SYNDIG1: variants seen among roughly 807,000 people sequenced by gnomAD.
SYNDIG1 encodes synapse differentiation-inducing gene protein 1.
Under a neutral mutation model 19.4 loss-of-function variants are expected in SYNDIG1, and 9 were observed. The ratio of observed to expected loss-of-function variants is 0.46; its 90% confidence interval spans 0.28 to 0.81. SYNDIG1 has a LOEUF of 0.81. Among genes scored for constraint, SYNDIG1 ranks in the 30% least tolerant of loss-of-function variants. The probability of loss-of-function intolerance (pLI) is 0.12; values close to 1 mark genes in which losing one functional copy is unlikely to be tolerated. For synonymous variants in SYNDIG1, 141 were observed against 145.9 expected, an observed-to-expected ratio of 0.97 and a Z score of 0.24; for missense variants, 311 against 343.3, an observed-to-expected ratio of 0.91 and a Z score of 0.74.
At chr20:24,631,220 A>C (rs964460271) in intron 3 of SYNDIG1, among the ~76,000 whole-genome samples, 5 of 152,238 alleles carry the variant, frequency 3.3e-5, no homozygotes, top group African/African-American at 1.2e-4. Context: ...CAGGCTCAGA[A>C]TGTCCTGGGA....
chr20:24,626,179 A>C (rs1489180277), intron 3 of SYNDIG1, among the ~76,000 whole-genome samples: 4 of 113,976 alleles, frequency 3.5e-5, no homozygotes, highest in African/African-American at 8.6e-5. Context: ...CTGACCCCCC[A>C]CCTCCCTCCC....
At chr20:24,471,766 A>G (rs1353206862) in intron 1 of SYNDIG1, among the ~76,000 whole-genome samples, 1 of 152,140 alleles carries the variant, frequency 6.6e-6, no homozygotes, top group Non-Finnish European at 1.5e-5. Context: ...AGAGTTTTGG[A>G]GGCCACAGAG....
chr20:24,556,214 G>C (rs1464735338), intron 2 of SYNDIG1, among the ~76,000 whole-genome samples: 1 of 152,146 alleles, frequency 6.6e-6, no homozygotes, highest in Non-Finnish European at 1.5e-5. Context: ...CACGTGAGAT[G>C]GGTTTCCTGA....
At chr20:24,604,520 G>A (rs754970349) in intron 3 of SYNDIG1, among the ~76,000 whole-genome samples, 1 of 152,130 alleles carries the variant, frequency 6.6e-6, no homozygotes, top group Non-Finnish European at 1.5e-5. Flanking sequence ...TCCCACCAGC[G>A]CCATGACAGT....
intron 2 of SYNDIG1, among the ~76,000 whole-genome samples, chr20:24,583,257 C>G (rs2058359720): frequency 6.6e-6 from 1 of 152,246 alleles, no homozygotes; most frequent in Non-Finnish European, 1.5e-5. Flanking sequence ...GGGCTCGCAG[C>G]CACGCAAGTG....
At chr20:24,643,513 G>A (rs1387815015) in intron 3 of SYNDIG1, among the ~76,000 whole-genome samples, 1 of 152,128 alleles carries the variant, frequency 6.6e-6, no homozygotes, top group African/African-American at 2.4e-5. Flanking sequence ...CAGCTAGAGT[G>A]CTGTGCTTAT....
intron 3 of SYNDIG1, among the ~76,000 whole-genome samples, chr20:24,622,743 CAT>C (rs1452527761): frequency 6.6e-6 from 1 of 152,096 alleles, no homozygotes; most frequent in Non-Finnish European, 1.5e-5. Context: ...ACTAGTGTAA[CAT>C]ATGAAAATTG....
chr20:24,640,556 T>A (rs2059366540), intron 3 of SYNDIG1, among the ~76,000 whole-genome samples: 1 of 151,230 alleles, frequency 6.6e-6, no homozygotes, highest in South Asian at 2.1e-4. Context: ...AATTAAAGCG[T>A]TAGATTTCAT....
intron 2 of SYNDIG1, among the ~76,000 whole-genome samples, chr20:24,553,039 T>C (rs1219923544): frequency 5.3e-5 from 8 of 151,876 alleles, no homozygotes; most frequent in African/African-American, 1.9e-4. Context: ...GTGGTTTTGA[T>C]TTGCATTTCT....
At chr20:24,607,877 G>A (rs1420967670) in intron 3 of SYNDIG1, among the ~76,000 whole-genome samples, 1 of 152,196 alleles carries the variant, frequency 6.6e-6, no homozygotes, top group Admixed American at 6.5e-5. Context: ...ATACCCGAAG[G>A]TAACGTTAAT....
chr20:24,472,301 G>A (rs1393177628), intron 1 of SYNDIG1, among the ~76,000 whole-genome samples: 1 of 152,180 alleles, frequency 6.6e-6, no homozygotes, highest in African/African-American at 2.4e-5. Context: ...TTCATGAAGG[G>A]CGTGAACACG....
intron 3 of SYNDIG1, chr20:24,596,873 C>T (rs4813522): frequency 0.88 from 134,385 of 152,358 alleles, 59,661 homozygotes; most frequent in African/African-American, 0.97. Context: ...ACACCTGCCA[C>T]GTTCGCGTGT....
At chr20:24,520,109 A>C (rs188094256) in intron 1 of SYNDIG1, among the ~76,000 whole-genome samples, 4 of 152,238 alleles carry the variant, frequency 2.6e-5, no homozygotes, top group African/African-American at 9.6e-5. Flanking sequence ...CTGACCCTTG[A>C]TGGAGTCCGA....
intron 1 of SYNDIG1, among the ~76,000 whole-genome samples, chr20:24,472,318 G>A (rs1363121663): frequency 6.6e-6 from 1 of 152,162 alleles, no homozygotes; most frequent in African/African-American, 2.4e-5. Flanking sequence ...CACGATTCTG[G>A]TTGAGCCATG....
intron 3 of SYNDIG1, among the ~76,000 whole-genome samples, chr20:24,665,065 G>A (rs1414849899): frequency 6.6e-6 from 1 of 152,204 alleles, no homozygotes. Flanking sequence ...ATGGAACTCA[G>A]TTGGGCTACT....
chr20:24,503,965 T>A (rs75941917), intron 1 of SYNDIG1, among the ~76,000 whole-genome samples: 1 of 149,628 alleles, frequency 6.7e-6, no homozygotes, highest in Non-Finnish European at 1.5e-5. Flanking sequence ...GGTTTTTTTT[T>A]TTTTTTTTTT....
intron 1 of SYNDIG1, among the ~76,000 whole-genome samples, chr20:24,485,353 T>C (rs2055926374): frequency 6.6e-6 from 1 of 152,200 alleles, no homozygotes; most frequent in African/African-American, 2.4e-5. Context: ...GGGACATAGA[T>C]TGATAGCACC....
At chr20:24,544,280 G>C (rs2057530826) in intron 2 of SYNDIG1, among the ~76,000 whole-genome samples, 1 of 152,184 alleles carries the variant, frequency 6.6e-6, no homozygotes, top group African/African-American at 2.4e-5. Context: ...GAGAGCAGCT[G>C]CTGCAGGCCA....
chr20:24,579,542 G>C (rs575438996), intron 2 of SYNDIG1, among the ~76,000 whole-genome samples: 13 of 152,322 alleles, frequency 8.5e-5, no homozygotes, highest in African/African-American at 3.1e-4. Flanking sequence ...CAGTCCAATA[G>C]GACCTTCTGA....
Sources: gnomAD v4.1 joint callset for allele counts (sites outside exome capture counted in the v4.1 genomes callset) on GRCh38, gnomAD v4.1.1 for gene constraint, MANE v1.5 for transcripts, NCBI Gene and HGNC (gene_info 2026-07-23, HGNC 2026-07-21) for gene names.